KNOP1: variants seen among roughly 807,000 people sequenced by gnomAD.
KNOP1 encodes lysine rich nucleolar protein 1.
Under a neutral mutation model 30.6 loss-of-function variants are expected in KNOP1, and 20 were observed. The ratio of observed to expected loss-of-function variants is 0.65; its 90% CI spans 0.46 to 0.95. The LOEUF (loss-of-function observed/expected upper bound fraction) is 0.95. Among genes scored for constraint, KNOP1 ranks in the 40% least tolerant of loss-of-function variants. The pLI is 0.00. For missense variants in KNOP1, 540 were observed against 562.0 expected (o/e 0.96, Z 0.40); for synonymous variants, 204 against 210.0 (o/e 0.97, Z 0.25).
At chr16:19,709,170 G>A (rs1360577306) in intron 4 of KNOP1, among the ~76,000 whole-genome samples, 1 of 152,162 alleles carries the variant, frequency 6.6e-6, no homozygotes, top group African/African-American at 2.4e-5. Context: ...CACCAGGCCA[G>A]GGTACGAGTC....
chr16:19,709,914 G>A (rs1280445529), intron 4 of KNOP1, among the ~76,000 whole-genome samples: 2 of 152,118 alleles, frequency 1.3e-5, no homozygotes, highest in African/African-American at 2.4e-5. Flanking sequence ...TAGACCGTGA[G>A]CGCGATGATG....
intron 3 of KNOP1, 29 bp from the exon 4 acceptor site, chr16:19,710,615 C>T (rs373817402): frequency 2.5e-5 from 39 of 1,581,348 alleles, no homozygotes; most frequent in Admixed American, 1.3e-4. Flanking sequence ...AGAAGAGGGC[C>T]GTCAGACAGA....
In KNOP1 at chr16:19,711,474, G is replaced by A. The variant is rs370042627; in HGVS notation, c.919-34C>T. The A allele has an allele frequency of 7.5e-6, 12 of 1,605,526 alleles. No homozygotes were observed. In the African/African-American group the frequency reaches 1.2e-4, roughly 16 times the overall value. On this transcript the variant is annotated intron_variant, in intron 2 of 4. Coordinates refer to ENST00000219837, the MANE Select transcript of KNOP1 (RefSeq NM_001012991.3). ...GAGGGCAGAGCTGGCTAAGGTTCAAGTTTACAATGAATGGCCTCTGCCTCT... is the reference window on the plus strand; with the variant it reads ...GAGGGCAGAGCTGGCTAAGGTTCAAATTTACAATGAATGGCCTCTGCCTCT...
Position 19,706,662 on chromosome 16 carries a change from T to G in KNOP1, c.*248A>C, listed in dbSNP as rs1976366196. ...TCCAAGCCCATCAATATAGTTGTCC[T>G]CGTCCTTAATCTCCACAGGTGTTCA... On this transcript the variant is annotated 3_prime_UTR_variant, in exon 5 of 5. Transcript: ENST00000219837. 1 of 480,216 alleles carries G rather than the reference T, an allele frequency of 2.1e-6. No individual in the cohort carries two copies. Among genetic ancestry groups the G allele is most frequent in the Non-Finnish European group, 3.7e-6 (1 of 270,640 alleles). The allele number at this position is 480,216 out of a possible 1,614,324, so 29.7% of individuals were successfully genotyped here.
intron 2 of KNOP1, chr16:19,711,710 A>C (rs1976730787): frequency 2.1e-6 from 1 of 472,502 alleles, no homozygotes; most frequent in South Asian, 2.2e-5. Flanking sequence ...AGGTTACCCC[A>C]CGGCTCAGGG....
chr16:19,715,862 A>G (rs566861661), intron 1 of KNOP1, among the ~76,000 whole-genome samples: 1 of 152,294 alleles, frequency 6.6e-6, no homozygotes, highest in East Asian at 1.9e-4. Context: ...CTCAATACCC[A>G]TCAGTGTCCA....
intron 4 of KNOP1, 72 bp from the exon 5 acceptor site, chr16:19,707,293 C>T (rs1320178549): frequency 7.8e-7 from 1 of 1,278,682 alleles, no homozygotes; most frequent in Non-Finnish European, 1.1e-6. Flanking sequence ...CCCCCACCCT[C>T]ATCAGGGAGG....
In KNOP1 at chr16:19,714,650, AC is replaced by A; in HGVS notation, c.385del (p.Val129Ter). 9.9e-6 allele frequency: 16 copies of A among 1,612,934 alleles called. No individual in the cohort carries two copies. Among genetic ancestry groups the A allele is most frequent in the Non-Finnish European group, 1.4e-5 (16 of 1,179,768 alleles). The part of the protein sequence containing the change: ...SPLAMSHASG[V>X]KTSPDPRQGE... Reference sequence around the variant, plus strand: ...CTGTCTAGGGTCTGGGGAGGTTTTCACCCCAGAGGCATGGGACATGGCTAGA... The same window carrying A: ...CTGTCTAGGGTCTGGGGAGGTTTTCACCCAGAGGCATGGGACATGGCTAGA... On this transcript the variant is annotated frameshift_variant, in exon 2 of 5. Transcript: ENST00000219837. LOFTEE classifies it high-confidence loss of function.
chr16:19,714,232 TTTC>T lies in KNOP1; in HGVS notation c.801_803del (p.Lys269del). On this transcript the variant is annotated inframe_deletion, in exon 2 of 5. Coordinates refer to ENST00000219837, the MANE Select transcript of KNOP1 (RefSeq NM_001012991.3). ...CTACCTTCTTTTTGGACTTCATCTT[TTTC>T]TTTGCGGAGGCCTTAGGGTCATCAC... 6.2e-7 allele frequency: 1 copy of T among 1,614,138 alleles called. No individual in the cohort carries two copies.
chr16:19,708,830 C>T (rs544551270), intron 4 of KNOP1, among the ~76,000 whole-genome samples: 57 of 152,276 alleles, frequency 3.7e-4, no homozygotes. Flanking sequence ...CATCTATGAC[C>T]ACCCCACATG....
chr16:19,709,443 C>A (rs1300917884), intron 4 of KNOP1, among the ~76,000 whole-genome samples: 3 of 152,232 alleles, frequency 2.0e-5, no homozygotes, highest in African/African-American at 7.2e-5. Context: ...CCACCATCCT[C>A]AGGCTGCGGC....
chr16:19,713,435 C>G (rs766098695), intron 2 of KNOP1, among the ~76,000 whole-genome samples: 3 of 152,198 alleles, frequency 2.0e-5, no homozygotes, highest in Non-Finnish European at 4.4e-5. Context: ...ATTGACCCAA[C>G]TGAGGCCTGC....
rs1346476188 is a variant in KNOP1 at position 19,711,093 on chromosome 16, T to C, written c.987+279A>G. Among the ~76,000 whole-genome samples the C allele has an allele frequency of 2.6e-5, 4 of 152,130 alleles. 1 individual carries two copies. Among genetic ancestry groups the C allele is most frequent in the Admixed American group, 2.0e-4 (3 of 15,264 alleles). On this transcript the variant is annotated intron_variant, in intron 3 of 4. Coordinates refer to ENST00000219837, the MANE Select transcript of KNOP1 (RefSeq NM_001012991.3). ...ATGTGTCACCTGCCCAGCTGCAGGGTCTTAGGGACATGTCCCCCACATCCT... is the reference window on the plus strand; with the variant it reads ...ATGTGTCACCTGCCCAGCTGCAGGGCCTTAGGGACATGTCCCCCACATCCT...
chr16:19,715,340 G>A, intron 1 of KNOP1: 1 of 280,870 alleles, frequency 3.6e-6, no homozygotes, highest in Non-Finnish European at 6.6e-6. Flanking sequence ...TCCTCAAAAG[G>A]GTGTTGGAGG....
intron 1 of KNOP1, 103 bp from the exon 2 acceptor site, chr16:19,715,140 C>T (rs1457850956): frequency 3.9e-6 from 3 of 760,002 alleles, no homozygotes; most frequent in South Asian, 2.1e-5. Flanking sequence ...GTGGTCAAAG[C>T]GTTGTGGGAC....
chr16:19,713,632 C>T (rs1203276099), intron 2 of KNOP1, among the ~76,000 whole-genome samples: 2 of 152,180 alleles, frequency 1.3e-5, no homozygotes, highest in African/African-American at 4.8e-5. Context: ...CTGAGGAAAT[C>T]TCATACAGGC....
In KNOP1 at chr16:19,704,694, C is replaced by G. The variant is rs1331488851; in HGVS notation, c.*2216G>C. ...TTTCTCCATCAAAGGAGGAGGTGCC[C>G]AGAAGGCACTCACTCAAATCCAGAA... On this transcript the variant is annotated 3_prime_UTR_variant, in exon 5 of 5. Transcript: ENST00000219837. 1 of 154,572 alleles carries G rather than the reference C, an allele frequency of 6.5e-6. No individual in the cohort carries two copies. The highest frequency in any genetic ancestry group is 6.4e-5 in the Admixed American group (1 of 15,532). The allele number at this position is 154,572 out of a possible 1,614,324, so 9.6% of individuals were successfully genotyped here. A position where few individuals can be genotyped will look rare whatever the true frequency, so the allele number is the denominator to read the frequency against.
chr16:19,718,022 G>A (rs1001616322), intron 1 of KNOP1, 136 bp downstream of exon 1: 17 of 1,364,454 alleles, frequency 1.2e-5, no homozygotes, highest in Non-Finnish European at 1.5e-5. Context: ...AGGCCGGAGC[G>A]GGCGCACACC....
chr16:19,718,136 T>A lies in KNOP1; in HGVS notation c.-3+22A>T, dbSNP rs1362693234. 6 of 1,446,572 alleles carry A rather than the reference T, an allele frequency of 4.1e-6. No individual in the cohort carries two copies. In the Admixed American group the frequency reaches 1.6e-4, roughly 39 times the overall value. The allele number at this position is 1,446,572 out of a possible 1,614,324, so 89.6% of individuals were successfully genotyped here. A position where few individuals can be genotyped will look rare whatever the true frequency, so the allele number is the denominator to read the frequency against. On this transcript the variant is annotated intron_variant, in intron 1 of 4. Coordinates refer to ENST00000219837, the MANE Select transcript of KNOP1 (RefSeq NM_001012991.3). ...TCTCCACACCCCGCGCCGGCCCGCC[T>A]GCAACGCGCCCTGGCACTCACCGGT...
Sources: gnomAD v4.1 joint callset for allele counts (sites outside exome capture counted in the v4.1 genomes callset) on GRCh38, gnomAD v4.1.1 for gene constraint, MANE v1.5 for transcripts, NCBI Gene and HGNC (gene_info 2026-07-23, HGNC 2026-07-21) for gene names.